The following APBB2 variants were observed in gnomAD, a reference collection of about 807,000 sequenced individuals.
APBB2 encodes amyloid beta precursor protein binding family B member 2.
A neutral mutation model predicts 82.5 loss-of-function variants in APBB2; 38 were observed. The ratio of observed to expected loss-of-function variants is 0.46; its 90% CI spans 0.36 to 0.60. APBB2 has a LOEUF of 0.60. Ranked by LOEUF, APBB2 falls within the 20% of genes least tolerant of loss-of-function variation. APBB2 has a pLI of 0.00. For missense variants in APBB2, 772 were observed against 972.3 expected, an observed-to-expected ratio of 0.79 and a Z score of 2.74; for synonymous variants, 341 against 368.2, an observed-to-expected ratio of 0.93 and a Z score of 0.85.
chr4:41,027,181 A>G (rs1212676516), intron 5 of APBB2, among the ~76,000 whole-genome samples: 1 of 151,912 alleles, frequency 6.6e-6, no homozygotes, highest in Non-Finnish European at 1.5e-5. Flanking sequence ...CCTTAGCAAT[A>G]CCTGCCCTCT....
At chr4:41,199,087 T>A (rs1017807727) in intron 1 of APBB2, among the ~76,000 whole-genome samples, 2 of 152,182 alleles carry the variant, frequency 1.3e-5, no homozygotes, top group Admixed American at 6.5e-5. Context: ...CCTTAACATC[T>A]GCAAAAACCC....
At chr4:41,199,439 C>T (rs1776141774) in intron 1 of APBB2, among the ~76,000 whole-genome samples, 1 of 152,134 alleles carries the variant, frequency 6.6e-6, no homozygotes, top group African/African-American at 2.4e-5. Flanking sequence ...CAAAAAAATT[C>T]CAAGGGCAGT....
Position 40,816,211 on chromosome 4 carries a change from G to A in APBB2, c.2161C>T (p.Arg721Ter), listed in dbSNP as rs1560589921. The A allele has an allele frequency of 3.7e-6, 6 of 1,614,166 alleles. No individual in the cohort carries two copies. Among genetic ancestry groups the A allele is most frequent in the Non-Finnish European group, 5.1e-6 (6 of 1,180,038 alleles). The change falls in exon 18 of 18, where the codon CGA (arginine) becomes TGA (stop). Residue 721 changes from arginine to a stop codon, truncating the protein, a stop_gained. Coordinates refer to ENST00000508593, the MANE Select transcript of APBB2 (RefSeq NM_004307.2). LOFTEE classifies it high-confidence loss of function. ...GAATCTGCTGGCGGTGGAGGTGGTC[G>A]AACTTTCTGAGAAGGCGGCCTGGCT... ...LVARPPSQKVRPPPPPADSVT... is the reference protein window; with the variant it reads ...LVARPPSQKV
At chr4:41,045,985 G>A (rs6858702) in intron 4 of APBB2, among the ~76,000 whole-genome samples, 32,157 of 150,270 alleles carry the variant, frequency 0.21, 4,418 homozygotes, top group East Asian at 0.54. Context: ...TAATGAGCAT[G>A]AAACATTTTT....
chr4:41,075,698 G>T (rs549741590), intron 3 of APBB2, among the ~76,000 whole-genome samples: 1 of 152,264 alleles, frequency 6.6e-6, no homozygotes, highest in South Asian at 2.1e-4. Context: ...GGCAATGAAG[G>T]TCATTATTTT....
chr4:40,997,030 A>T (rs62412080), intron 6 of APBB2, among the ~76,000 whole-genome samples: 6,350 of 152,194 alleles, frequency 0.042, 271 homozygotes, highest in African/African-American at 0.11. Flanking sequence ...ACCGCTGCAT[A>T]TGGACAATGA....
At chr4:40,819,118 T>C (rs570239736) in intron 17 of APBB2, among the ~76,000 whole-genome samples, 1 of 151,890 alleles carries the variant, frequency 6.6e-6, no homozygotes, top group African/African-American at 2.4e-5. Flanking sequence ...TTCTGGACTA[T>C]GTCAAAGTAA....
At chr4:40,948,395 GC>G (rs1186114463) in intron 6 of APBB2, among the ~76,000 whole-genome samples, 1 of 152,082 alleles carries the variant, frequency 6.6e-6, no homozygotes, top group Non-Finnish European at 1.5e-5. Flanking sequence ...ACACAGCGAG[GC>G]CCCGTGTCTA....
At chr4:41,078,436 T>C (rs980505321) in intron 3 of APBB2, among the ~76,000 whole-genome samples, 1 of 152,228 alleles carries the variant, frequency 6.6e-6, no homozygotes, top group East Asian at 1.9e-4. Context: ...ACCACCCAAC[T>C]GTATAAGACA....
intron 10 of APBB2, among the ~76,000 whole-genome samples, chr4:40,922,779 T>C (rs1450040453): frequency 6.8e-6 from 1 of 147,386 alleles, no homozygotes; most frequent in Non-Finnish European, 1.5e-5. Flanking sequence ...TCCAGCTAAA[T>C]TTTGTATTTT....
chr4:41,140,398 T>A (rs1398224247), intron 2 of APBB2, among the ~76,000 whole-genome samples: 1 of 152,252 alleles, frequency 6.6e-6, no homozygotes, highest in African/African-American at 2.4e-5. Context: ...TAAATCTTTT[T>A]AATGTTTTTT....
intron 6 of APBB2, among the ~76,000 whole-genome samples, chr4:41,008,015 G>A (rs948085841): frequency 6.6e-6 from 1 of 152,212 alleles, no homozygotes; most frequent in Admixed American, 6.5e-5. Flanking sequence ...CATAGTGGAA[G>A]TGGCATTTGA....
At chr4:40,983,006 A>G (rs1050529729) in intron 6 of APBB2, among the ~76,000 whole-genome samples, 1 of 152,214 alleles carries the variant, frequency 6.6e-6, no homozygotes, top group Admixed American at 6.5e-5. Context: ...ATGAAGGCAG[A>G]CATGGGGGAC....
intron 2 of APBB2, among the ~76,000 whole-genome samples, chr4:41,106,632 AC>A (rs1383996620): frequency 2.6e-5 from 4 of 151,972 alleles, no homozygotes; most frequent in African/African-American, 9.7e-5. Flanking sequence ...GCCCGCCACC[AC>A]GCCAGGCTAA....
chr4:40,851,738 A>ATATATATATTT (rs1192919460), intron 12 of APBB2, among the ~76,000 whole-genome samples: 5 of 67,734 alleles, frequency 7.4e-5, no homozygotes, highest in East Asian at 5.8e-4. Context: ...ATATATATAT[A>ATATATATATTT]TTTTTTTTTT....
At chr4:41,092,823 G>A (rs1055709117) in intron 3 of APBB2, among the ~76,000 whole-genome samples, 10 of 152,034 alleles carry the variant, frequency 6.6e-5, no homozygotes, top group Non-Finnish European at 1.0e-4. Context: ...ATTCATGAAA[G>A]AAAATATGAA....
At chr4:41,110,419 A>G (rs1327079057) in intron 2 of APBB2, among the ~76,000 whole-genome samples, 1 of 152,092 alleles carries the variant, frequency 6.6e-6, no homozygotes, top group African/African-American at 2.4e-5. Flanking sequence ...CCTGGCCAAC[A>G]CAGTGAAACC....
chr4:41,024,980 G>A (rs200422648), intron 5 of APBB2, among the ~76,000 whole-genome samples: 28 of 152,220 alleles, frequency 1.8e-4, no homozygotes, highest in Middle Eastern at 3.4e-3. Context: ...ACTACGATTC[G>A]CGCCACTGTA....
At chr4:40,868,658 C>T (rs1764650717) in intron 12 of APBB2, among the ~76,000 whole-genome samples, 1 of 152,192 alleles carries the variant, frequency 6.6e-6, no homozygotes, top group Non-Finnish European at 1.5e-5. Context: ...ACTCCTGATA[C>T]AGTCAGAAGA....
Sources: allele counts gnomAD v4.1 joint callset (sites outside exome capture counted in the v4.1 genomes callset), GRCh38; gene constraint gnomAD v4.1.1; transcripts MANE v1.5; gene names NCBI Gene and HGNC (gene_info 2026-07-23, HGNC 2026-07-21).